Variants in RPL19 observed in about 807,000 individuals in gnomAD.
The protein encoded by RPL19 is large ribosomal subunit protein eL19.
A neutral mutation model predicts 25.1 loss-of-function variants in RPL19; 2 were observed. The ratio of observed to expected loss-of-function variants is 0.08; its 90% confidence interval spans 0.03 to 0.25. The LOEUF is 0.25. RPL19 is among the 10% of genes least tolerant of loss of function. RPL19 has a pLI of 1.00. For missense variants in RPL19, 123 were observed against 271.8 expected (o/e 0.45, Z 3.85); for synonymous variants, 89 against 91.2 (o/e 0.98, Z 0.14).
At chr17:39,202,038 G>A (rs190003370) in intron 2 of RPL19, among the ~76,000 whole-genome samples, 31 of 152,322 alleles carry the variant, frequency 2.0e-4, no homozygotes, top group Admixed American at 1.6e-3. Flanking sequence ...GGTAAGCTGA[G>A]GCAGGAGGAT....
intron 2 of RPL19, among the ~76,000 whole-genome samples, 159 bp downstream of exon 2, chr17:39,201,478 C>T (rs1249706560): frequency 1.3e-5 from 2 of 151,808 alleles, no homozygotes; most frequent in East Asian, 3.9e-4. Context: ...ATTGCAACCC[C>T]TGCTCCCAGG....
intron 1 of RPL19, 61 bp from the exon 2 acceptor site, chr17:39,201,152 G>T: frequency 9.1e-7 from 1 of 1,097,470 alleles, no homozygotes; most frequent in Non-Finnish European, 1.4e-6. Flanking sequence ...GTCTTGATGG[G>T]GACGTTCATT....
At chr17:39,201,341 C>T in intron 2 of RPL19, 22 bp downstream of exon 2, 1 of 1,266,098 alleles carries the variant, frequency 7.9e-7, no homozygotes, top group Non-Finnish European at 1.1e-6. Context: ...GGATCTGTCT[C>T]TTCACCCTAC....
At chr17:39,200,746 G>A in intron 1 of RPL19, 3 of 1,053,308 alleles carry the variant, frequency 2.8e-6, no homozygotes, top group Non-Finnish European at 3.4e-6. Flanking sequence ...CGAGAGAGGT[G>A]ATCTCTAACT....
intron 1 of RPL19, chr17:39,201,009 C>A: frequency 1.9e-6 from 1 of 519,166 alleles, no homozygotes; most frequent in South Asian, 2.9e-5. Flanking sequence ...GAACATGAGG[C>A]TCCGAGAGGT....
chr17:39,201,568 T>C (rs915063701), intron 2 of RPL19, among the ~76,000 whole-genome samples: 24 of 152,000 alleles, frequency 1.6e-4, no homozygotes, highest in African/African-American at 5.6e-4. Context: ...AATTTACTCT[T>C]TATATTTTAT....
chr17:39,204,484 T>C (rs773142851), intron 5 of RPL19, 41 bp from the exon 6 acceptor site: 1 of 1,611,650 alleles, frequency 6.2e-7, no homozygotes, highest in Non-Finnish European at 8.5e-7. Flanking sequence ...TAGCATCTCA[T>C]CTCTTCCCAA....
chr17:39,204,501 C>G (rs372237678), intron 5 of RPL19, 24 bp from the exon 6 acceptor site: 46 of 1,613,328 alleles, frequency 2.9e-5, no homozygotes, highest in Admixed American at 1.2e-4. Context: ...CCAAACTGAC[C>G]CGTCTTTTCT....
At chr17:39,202,958 G>A (rs1462829511) in intron 3 of RPL19, 31 bp from the exon 4 acceptor site, 1 of 1,613,484 alleles carries the variant, frequency 6.2e-7, no homozygotes, top group Non-Finnish European at 8.5e-7. Flanking sequence ...GGCCTGGGTA[G>A]TGGCCCGTTC....
At chr17:39,202,191 C>A in intron 2 of RPL19, 126 bp from the exon 3 acceptor site, 2 of 1,167,988 alleles carry the variant, frequency 1.7e-6, no homozygotes, top group Non-Finnish European at 2.4e-6. Context: ...AAATAAGTTC[C>A]AGTGTTTCCA....
At chr17:39,201,710 C>G (rs1448002634) in intron 2 of RPL19, among the ~76,000 whole-genome samples, 1 of 152,016 alleles carries the variant, frequency 6.6e-6, no homozygotes, top group East Asian at 1.9e-4. Flanking sequence ...GTAGCTGGGA[C>G]TAAGGCACGT....
chr17:39,204,068 AC>A lies in RPL19; in HGVS notation c.357-6del. The A allele has an allele frequency of 6.6e-7, 1 of 1,525,022 alleles. No individual in the cohort carries two copies. Among genetic ancestry groups the A allele is most frequent in the Non-Finnish European group, 9.1e-7 (1 of 1,098,978 alleles). 94.5% of individuals were successfully genotyped at this position (1,525,022 alleles called of 1,614,324 possible). A position where few individuals can be genotyped will look rare whatever the true frequency, so the allele number is the denominator to read the frequency against. Reference sequence around the variant, plus strand: ...CAACCAGCATCTCTTCACTCCGTGTACCCTGCAGGTATCACAGCCTGTACCT... The same window carrying A: ...CAACCAGCATCTCTTCACTCCGTGTACCTGCAGGTATCACAGCCTGTACCT... On this transcript the variant is annotated splice_region_variant and splice_polypyrimidine_tract_variant and intron_variant, in intron 4 of 5. Transcript: ENST00000225430.
chr17:39,200,308 G>C lies in RPL19; in HGVS notation c.-37G>C, dbSNP rs114881037. On this transcript the variant is annotated 5_prime_UTR_variant, in exon 1 of 6. Coordinates refer to ENST00000225430, the MANE Select transcript of RPL19 (RefSeq NM_000981.4). ...GCAGATAATGGGAGGAGCCGGGCCC[G>C]AGCGAGCTCTTTCCTTTCGCTGCTG... 32 of 1,533,506 alleles carry C rather than the reference G, an allele frequency of 2.1e-5. No individual in the cohort carries two copies. Among genetic ancestry groups the C allele is most frequent in the African/African-American group, 2.8e-5 (2 of 72,488 alleles). The allele number at this position is 1,533,506 out of a possible 1,614,324, so 95.0% of individuals were successfully genotyped here. A position where few individuals can be genotyped will look rare whatever the true frequency, so the allele number is the denominator to read the frequency against.
chr17:39,202,617 C>T, intron 3 of RPL19, 178 bp downstream of exon 3: 1 of 741,700 alleles, frequency 1.3e-6, no homozygotes, highest in South Asian at 1.8e-5. Context: ...TTGAGAGTAT[C>T]CCTGGTAGGA....
At chr17:39,200,396 G>A (rs893331878) in intron 1 of RPL19, 47 bp downstream of exon 1, 11 of 1,529,408 alleles carry the variant, frequency 7.2e-6, no homozygotes, top group Admixed American at 4.4e-5. Flanking sequence ...TGTCGACAAG[G>A]GACTGTCGGT....
chr17:39,203,879 A>G (rs999887861), intron 4 of RPL19, among the ~76,000 whole-genome samples, 198 bp from the exon 5 acceptor site: 1 of 152,182 alleles, frequency 6.6e-6, no homozygotes. Flanking sequence ...TCATCAGGAT[A>G]GCCCAACAGT....
intron 1 of RPL19, 113 bp downstream of exon 1, chr17:39,200,462 C>A: frequency 7.9e-7 from 1 of 1,267,184 alleles, no homozygotes; most frequent in Non-Finnish European, 1.0e-6. Flanking sequence ...CTAAAGCGGC[C>A]GGTCCCGGGG....
chr17:39,202,183 A>G (rs1280204992), intron 2 of RPL19, 134 bp from the exon 3 acceptor site: 6 of 1,108,600 alleles, frequency 5.4e-6, no homozygotes, highest in Admixed American at 2.7e-5. Flanking sequence ...AAGGCAAGAA[A>G]TAAGTTCCAG....
At chr17:39,201,395 G>A in intron 2 of RPL19, 76 bp downstream of exon 2, 1 of 860,618 alleles carries the variant, frequency 1.2e-6, no homozygotes, top group Non-Finnish European at 1.8e-6. Context: ...ACACAATTGT[G>A]TTGACTTTTT....
Sources: gnomAD v4.1 joint callset for allele counts (sites outside exome capture counted in the v4.1 genomes callset) on GRCh38, gnomAD v4.1.1 for gene constraint, MANE v1.5 for transcripts, NCBI Gene and HGNC (gene_info 2026-07-23, HGNC 2026-07-21) for gene names.